The following IMMP2L variants were observed in gnomAD, a reference collection of about 807,000 sequenced individuals.
The protein encoded by IMMP2L is inner mitochondrial membrane peptidase subunit 2, also known as mitochondrial inner membrane protease subunit 2.
In IMMP2L, 18 loss-of-function variants were observed where a neutral mutation model predicts 19.3. That is an observed-to-expected ratio of 0.93 (90% CI 0.64 to 1.38). IMMP2L has a LOEUF of 1.38. IMMP2L is among the 40% of genes most tolerant of loss of function. IMMP2L has a pLI of 0.00. For synonymous variants in IMMP2L, 76 were observed against 73.0 expected (o/e 1.04, Z -0.21); for missense variants, 233 against 218.2 (o/e 1.07, Z -0.43).
intron 3 of IMMP2L, among the ~76,000 whole-genome samples, chr7:111,105,905 T>G (rs1472349435): frequency 6.6e-6 from 1 of 151,940 alleles, no homozygotes; most frequent in Non-Finnish European, 1.5e-5. Context: ...CACTGATGTA[T>G]GTATCAAATC....
chr7:110,872,189 T>A (rs1464496936), intron 5 of IMMP2L, among the ~76,000 whole-genome samples: 1 of 152,162 alleles, frequency 6.6e-6, no homozygotes, highest in Non-Finnish European at 1.5e-5. Context: ...ACAGAATATA[T>A]CGGATATCTA....
At chr7:110,751,209 G>A (rs1036020775) in intron 5 of IMMP2L, among the ~76,000 whole-genome samples, 1 of 151,074 alleles carries the variant, frequency 6.6e-6, no homozygotes, top group African/African-American at 2.4e-5. Context: ...GGATCTTTAG[G>A]AGACAGTCAT....
chr7:111,175,080 G>GA (rs1456127988), intron 3 of IMMP2L, among the ~76,000 whole-genome samples: 21 of 151,808 alleles, frequency 1.4e-4, no homozygotes, highest in Non-Finnish European at 2.5e-4. Flanking sequence ...TGGAAAATCA[G>GA]AAAAAACTGC....
At chr7:110,852,919 G>A (rs1046330325) in intron 5 of IMMP2L, among the ~76,000 whole-genome samples, 2 of 152,018 alleles carry the variant, frequency 1.3e-5, no homozygotes, top group Non-Finnish European at 2.9e-5. Flanking sequence ...CATCCCAGAT[G>A]ATACAAAAGT....
At chr7:111,471,054 G>A (rs895579152) in intron 3 of IMMP2L, among the ~76,000 whole-genome samples, 7 of 151,932 alleles carry the variant, frequency 4.6e-5, no homozygotes, top group African/African-American at 1.5e-4. Flanking sequence ...AGAAACATTT[G>A]TATCGTGGCC....
At chr7:111,311,571 G>C (rs1488539846) in intron 3 of IMMP2L, among the ~76,000 whole-genome samples, 2 of 152,092 alleles carry the variant, frequency 1.3e-5, no homozygotes, top group Non-Finnish European at 2.9e-5. Context: ...GTATGTATTT[G>C]TAGCAATACT....
At chr7:111,333,186 C>A (rs1043070090) in intron 3 of IMMP2L, among the ~76,000 whole-genome samples, 2 of 152,148 alleles carry the variant, frequency 1.3e-5, no homozygotes, top group Admixed American at 6.6e-5. Context: ...AATACCAGCA[C>A]GTGACCAGTT....
intron 4 of IMMP2L, among the ~76,000 whole-genome samples, chr7:110,902,931 CAA>C (rs752631512): frequency 3.5e-4 from 3 of 8,592 alleles, no homozygotes; most frequent in Non-Finnish European, 6.0e-4. Context: ...GACTCCGTCT[CAA>C]AAAAAAAAAA....
intron 5 of IMMP2L, among the ~76,000 whole-genome samples, chr7:110,784,541 T>G (rs969472980): frequency 6.6e-6 from 1 of 152,016 alleles, no homozygotes; most frequent in Non-Finnish European, 1.5e-5. Flanking sequence ...CCCTCTAATC[T>G]GATCTCTGTG....
chr7:111,105,033 G>T (rs1201426289), intron 3 of IMMP2L, among the ~76,000 whole-genome samples: 1 of 151,850 alleles, frequency 6.6e-6, no homozygotes, highest in Admixed American at 6.6e-5. Context: ...AGAGAGGCAT[G>T]ACCATAGAAT....
chr7:111,534,256 A>G (rs749172953), intron 1 of IMMP2L, among the ~76,000 whole-genome samples: 3 of 152,148 alleles, frequency 2.0e-5, no homozygotes, highest in Non-Finnish European at 2.9e-5. Flanking sequence ...AAAAATGAAA[A>G]CAACCAAATG....
intron 3 of IMMP2L, among the ~76,000 whole-genome samples, chr7:111,222,988 T>A (rs1812684105): frequency 6.6e-6 from 1 of 151,974 alleles, no homozygotes; most frequent in Non-Finnish European, 1.5e-5. Flanking sequence ...CTACACATTG[T>A]ATACCTACAT....
At chr7:111,085,703 C>A (rs1182320490) in intron 3 of IMMP2L, among the ~76,000 whole-genome samples, 1 of 152,050 alleles carries the variant, frequency 6.6e-6, no homozygotes, top group African/African-American at 2.4e-5. Flanking sequence ...CACTGCAGCA[C>A]TATTCACAAC....
chr7:110,983,823 T>C lies in IMMP2L; in HGVS notation c.240-20258A>G, dbSNP rs994850123. Among the ~76,000 whole-genome samples, 3 of 151,966 alleles carry C rather than the reference T, an allele frequency of 2.0e-5. No homozygotes were observed. In the East Asian group the frequency reaches 5.8e-4, roughly 29 times the overall value. ...GGGAAGAGAATGGGAAAAAGGCTAT[T>C]CCTCCATTGCTATTTATTTAGTCAT... On this transcript the variant is annotated intron_variant, in intron 3 of 5. Transcript: ENST00000405709.
intron 5 of IMMP2L, among the ~76,000 whole-genome samples, chr7:110,707,046 G>C (rs1308108894): frequency 7.0e-5 from 7 of 99,300 alleles, no homozygotes; most frequent in African/African-American, 1.2e-4. Flanking sequence ...GGGTACATGT[G>C]CACATTGTGC....
chr7:111,160,024 CAT>C (rs1251076235), intron 3 of IMMP2L, among the ~76,000 whole-genome samples: 4 of 152,018 alleles, frequency 2.6e-5, no homozygotes, highest in African/African-American at 4.8e-5. Context: ...CTTACTAAAT[CAT>C]ATGATTCTTA....
chr7:111,205,833 C>T (rs1300041307), intron 3 of IMMP2L, among the ~76,000 whole-genome samples: 3 of 152,006 alleles, frequency 2.0e-5, no homozygotes, highest in Non-Finnish European at 4.4e-5. Flanking sequence ...ATGAGGGGGG[C>T]CTTATTTGAT....
intron 3 of IMMP2L, among the ~76,000 whole-genome samples, chr7:111,289,976 C>G (rs1262698346): frequency 1.3e-5 from 2 of 151,986 alleles, no homozygotes; most frequent in Non-Finnish European, 2.9e-5. Flanking sequence ...CTTAACATCC[C>G]CACCACAAAA....
intron 2 of IMMP2L, among the ~76,000 whole-genome samples, chr7:111,492,632 T>C (rs138958532): frequency 0.011 from 1,614 of 152,316 alleles, 34 homozygotes; most frequent in African/African-American, 0.036. Flanking sequence ...AACTTCGTCT[T>C]TCCCTTATAG....
Sources: gnomAD v4.1 joint callset for allele counts (sites outside exome capture counted in the v4.1 genomes callset) on GRCh38, gnomAD v4.1.1 for gene constraint, MANE v1.5 for transcripts, NCBI Gene and HGNC (gene_info 2026-07-23, HGNC 2026-07-21) for gene names.